Variants in TTC28 observed in about 807,000 individuals in gnomAD.
TTC28 encodes tetratricopeptide repeat domain 28.
In TTC28, 61 loss-of-function variants were observed where a neutral mutation model predicts 198.0. The ratio of observed to expected loss-of-function variants is 0.31; its 90% CI spans 0.25 to 0.38. The LOEUF is 0.38. Among genes scored for constraint, TTC28 ranks in the 10% least tolerant of loss-of-function variants. The probability of loss-of-function intolerance (pLI) is 1.00; values close to 1 mark genes in which losing one functional copy is unlikely to be tolerated. For missense variants in TTC28, 2,678 were observed against 3,164.0 expected (o/e 0.85, Z 3.69); for synonymous variants, 1,171 against 1,297.8 (o/e 0.90, Z 2.10).
chr22:28,243,227 C>T (rs1929815120), intron 5 of TTC28, among the ~76,000 whole-genome samples: 1 of 125,524 alleles, frequency 8.0e-6, no homozygotes. Context: ...GCCAGCCACA[C>T]TGTCACACAC....
intron 12 of TTC28, among the ~76,000 whole-genome samples, chr22:28,067,358 C>A (rs1259149114): frequency 1.3e-5 from 2 of 152,190 alleles, no homozygotes; most frequent in African/African-American, 4.8e-5. Flanking sequence ...ATGCGTCTGA[C>A]AAACGTTTCC....
At chr22:28,071,050 A>G (rs1296531485) in intron 12 of TTC28, among the ~76,000 whole-genome samples, 1 of 152,052 alleles carries the variant, frequency 6.6e-6, no homozygotes, top group East Asian at 1.9e-4. Context: ...AGGGCATGGG[A>G]GGAGAATGAG....
At chr22:28,587,169 C>T (rs2050334048) in intron 2 of TTC28, among the ~76,000 whole-genome samples, 1 of 152,130 alleles carries the variant, frequency 6.6e-6, no homozygotes, top group Admixed American at 6.5e-5. Context: ...CCATCCTAGG[C>T]AACATGGTAA....
intron 5 of TTC28, 45 bp from the exon 6 acceptor site, chr22:28,163,644 T>C (rs1185390439): frequency 1.4e-6 from 2 of 1,471,138 alleles, no homozygotes; most frequent in African/African-American, 1.4e-5. Context: ...CACATCAGAA[T>C]GGTTTTGGTA....
chr22:28,625,319 A>C (rs1251532464), intron 2 of TTC28, among the ~76,000 whole-genome samples: 1 of 152,254 alleles, frequency 6.6e-6, no homozygotes, highest in Non-Finnish European at 1.5e-5. Context: ...AATCCCAAGG[A>C]ATCTGCAAAA....
chr22:28,334,444 T>C (rs1254664729), intron 2 of TTC28, among the ~76,000 whole-genome samples: 3 of 152,222 alleles, frequency 2.0e-5, no homozygotes, highest in African/African-American at 7.2e-5. Context: ...TCCACAATGG[T>C]TGAACTAGTT....
At chr22:28,645,805 C>T (rs972386654) in intron 1 of TTC28, among the ~76,000 whole-genome samples, 27 of 152,014 alleles carry the variant, frequency 1.8e-4, no homozygotes, top group African/African-American at 5.6e-4. Flanking sequence ...ATGCGGCATC[C>T]TTTTGTGATT....
intron 6 of TTC28, among the ~76,000 whole-genome samples, chr22:28,139,881 T>C (rs1943288728): frequency 6.6e-6 from 1 of 152,106 alleles, no homozygotes; most frequent in South Asian, 2.1e-4. Flanking sequence ...AAATCTCCTC[T>C]CTATAGGCTA....
rs188162876 is a variant in TTC28, at chr22:28,395,408, C to T, written c.382-88765G>A. On this transcript the variant is annotated intron_variant, in intron 2 of 22. Coordinates refer to ENST00000397906, the MANE Select transcript of TTC28 (RefSeq NM_001145418.2). ...AACAGCAATAACTGGCCGAGGTGGG[C>T]GGATCAGGAGGTCAGGAGATCGAGC... 1.1e-4 allele frequency among the ~76,000 whole-genome samples: 17 copies of T among 152,116 alleles called. No homozygotes were observed. In the Middle Eastern group the frequency reaches 0.01, roughly 91 times the overall value.
At chr22:28,115,950 T>C (rs1165413227) in intron 6 of TTC28, among the ~76,000 whole-genome samples, 1 of 152,242 alleles carries the variant, frequency 6.6e-6, no homozygotes, top group Non-Finnish European at 1.5e-5. Flanking sequence ...TTGGACGCTA[T>C]CTACCTTTTA....
At chr22:28,367,953 C>T (rs1024936091) in intron 2 of TTC28, among the ~76,000 whole-genome samples, 10 of 151,948 alleles carry the variant, frequency 6.6e-5, no homozygotes, top group Admixed American at 4.6e-4. Flanking sequence ...GCCCGAGACT[C>T]GATGGCTTCA....
chr22:28,155,544 A>T (rs1226806938), intron 6 of TTC28, among the ~76,000 whole-genome samples: 5 of 152,358 alleles, frequency 3.3e-5, no homozygotes, highest in Non-Finnish European at 7.3e-5. Context: ...AAGAAGTTAT[A>T]TTGTTACTAA....
At chr22:28,318,312 A>G (rs117344563) in intron 2 of TTC28, among the ~76,000 whole-genome samples, 2 of 152,068 alleles carry the variant, frequency 1.3e-5, no homozygotes, top group African/African-American at 4.8e-5. Context: ...TCTGACCTTA[A>G]GAGTTCCCTT....
intron 2 of TTC28, among the ~76,000 whole-genome samples, chr22:28,384,492 G>A (rs967625356): frequency 6.6e-6 from 1 of 152,092 alleles, no homozygotes; most frequent in Non-Finnish European, 1.5e-5. Context: ...TCCCATACTA[G>A]AACATAAGCT....
chr22:28,590,859 T>G (rs2050414077), intron 2 of TTC28, among the ~76,000 whole-genome samples: 2 of 149,840 alleles, frequency 1.3e-5, no homozygotes, highest in Admixed American at 1.3e-4. Context: ...AAATACAAAA[T>G]TTAGCCAGGC....
chr22:28,169,915 A>T (rs1037219757), intron 5 of TTC28, among the ~76,000 whole-genome samples: 14 of 151,970 alleles, frequency 9.2e-5, no homozygotes, highest in South Asian at 4.1e-4. Flanking sequence ...TAAAAAAAAA[A>T]TTTTGCAGGT....
chr22:28,105,381 G>T lies in TTC28; in HGVS notation c.3205C>A (p.Gln1069Lys). Reference sequence around the variant, plus strand: ...GTCTTGGCCGCCAAGTCATTCATCTGTGCAGCAATGCTCAAGTGCTGTTCT... The same window carrying T: ...GTCTTGGCCGCCAAGTCATTCATCTTTGCAGCAATGCTCAAGTGCTGTTCT... ...YQEQHLSIAA[Q>K]MNDLAAKTVS... is the part of the protein sequence containing the mutation. Residue 1069 changes from glutamine (Q) to lysine (K), a missense_variant, in exon 8 of 23, where the codon CAG (glutamine) becomes AAG (lysine). Around this residue, in one of 8 missense-constraint regions of TTC28, gnomAD observed 727 missense variants for 861.9 expected, o/e 0.84. Transcript: ENST00000397906. 6.4e-7 allele frequency: 1 copy of T among 1,551,730 alleles called. No individual in the cohort carries two copies. Among genetic ancestry groups the T allele is most frequent in the Non-Finnish European group, 8.7e-7 (1 of 1,147,002 alleles).
At chr22:28,564,908 T>C (rs34188840) in intron 2 of TTC28, among the ~76,000 whole-genome samples, 6,071 of 147,994 alleles carry the variant, frequency 0.041, 167 homozygotes, top group African/African-American at 0.065. Context: ...TATATGTAAT[T>C]TATATATAAA....
chr22:28,282,444 G>A (rs573715156), intron 5 of TTC28, among the ~76,000 whole-genome samples: 28 of 152,276 alleles, frequency 1.8e-4, no homozygotes, highest in African/African-American at 6.7e-4. Context: ...AAAATTTCCT[G>A]TGCTGTCGAA....
Sources: gnomAD v4.1 joint callset for allele counts (sites outside exome capture counted in the v4.1 genomes callset) on GRCh38, gnomAD v4.1.1 for gene constraint, gnomAD v4.1.1 regional missense constraint, MANE v1.5 for transcripts, NCBI Gene and HGNC (gene_info 2026-07-23, HGNC 2026-07-21) for gene names.